Variants in NDUFS1 observed in about 807,000 individuals in gnomAD.
The protein encoded by NDUFS1 is NADH-ubiquinone oxidoreductase 75 kDa subunit, mitochondrial.
A neutral mutation model predicts 84.4 loss-of-function variants in NDUFS1; 61 were observed. The observed-to-expected ratio is 0.72, with a 90% CI of 0.59 to 0.89. NDUFS1 has a LOEUF of 0.89. Ranked by LOEUF, NDUFS1 falls within the 40% of genes least tolerant of loss-of-function variation. The pLI, the probability that NDUFS1 is intolerant of heterozygous loss-of-function variation, is 0.00. For missense variants in NDUFS1, 891 were observed against 890.0 expected (o/e 1.00, Z -0.01); for synonymous variants, 275 against 290.0 (o/e 0.95, Z 0.53).
At chr2:206,134,448 ACGTGGCAAAACCT>A (rs973559055) in intron 13 of NDUFS1, among the ~76,000 whole-genome samples, 4 of 152,200 alleles carry the variant, frequency 2.6e-5, no homozygotes, top group Admixed American at 6.5e-5. Context: ...AGCCTGGGCA[ACGTGGCAAAACCT>A]CGTCTCTACA....
At chr2:206,159,249 G>GACT in intron 1 of NDUFS1, 92 bp downstream of exon 1, 1 of 1,017,260 alleles carries the variant, frequency 9.8e-7, no homozygotes, top group South Asian at 1.4e-5. Context: ...GACAACAGAA[G>GACT]ACTACGTCGC....
In NDUFS1 at chr2:206,149,002, T is replaced by C; in HGVS notation, c.338+18A>G. ...TCTGCTTTATGAAAGGGTACTACATTGAATAACAATAAAGTACCTGGCTTT... is the reference window on the plus strand; with the variant it reads ...TCTGCTTTATGAAAGGGTACTACATCGAATAACAATAAAGTACCTGGCTTT... On this transcript the variant is annotated intron_variant, in intron 5 of 18. Coordinates refer to ENST00000233190, the MANE Select transcript of NDUFS1 (RefSeq NM_005006.7). 1 of 1,573,562 alleles carries C rather than the reference T, an allele frequency of 6.4e-7. No homozygotes were observed. The highest frequency in any genetic ancestry group is 8.7e-7 in the Non-Finnish European group (1 of 1,143,588).
intron 12 of NDUFS1, among the ~76,000 whole-genome samples, chr2:206,141,588 T>C (rs1390911281): frequency 9.4e-6 from 1 of 106,212 alleles, no homozygotes; most frequent in Non-Finnish European, 1.8e-5. Context: ...TCTAAAAAAT[T>C]AAAAAAATTA....
rs111364412 is a variant in NDUFS1 at position 206,116,562 on chromosome 2, G to A, written c.*7623C>T. ...AGCCACTCGCGCGGGGAGGCGGGGC[G>A]GTGTGGGCAGAAGTAAATTTCTTTA... On this transcript the variant is annotated 3_prime_UTR_variant, in exon 19 of 19. Coordinates refer to ENST00000233190, the MANE Select transcript of NDUFS1 (RefSeq NM_005006.7). 0.084 allele frequency: 54,115 copies of A among 641,432 alleles called. 3,030 individuals are homozygous for A. The highest frequency in any genetic ancestry group is 0.19 in the Admixed American group (7,177 of 37,844). The allele number at this position is 641,432 out of a possible 1,614,324, so 39.7% of individuals were successfully genotyped here. A position where few individuals can be genotyped will look rare whatever the true frequency, so the allele number is the denominator to read the frequency against.
rs1156784556 is a variant in NDUFS1, at chr2:206,142,043, A to G, written c.1160T>C (p.Leu387Pro). 1 of 1,605,606 alleles carries G rather than the reference A, an allele frequency of 6.2e-7. No homozygotes were observed. The highest frequency in any genetic ancestry group is 8.5e-7 in the Non-Finnish European group (1 of 1,172,348). The change falls in exon 12 of 19, where the codon CTT (leucine) becomes CCT (proline). Residue 387 changes from leucine (L) to proline (P), a missense_variant. Transcript: ENST00000233190. Reference sequence around the variant, plus strand: ...TTCCACACCAGCAATTGTAGTATTAAGAAGATAATTGGAACGCAAATCTGT... The same window carrying G: ...TTCCACACCAGCAATTGTAGTATTAGGAAGATAATTGGAACGCAAATCTGT... ...AGTDLRSNYL[L>P]NTTIAGVEEA...
At chr2:206,154,507 G>C (rs1402437287) in intron 1 of NDUFS1, among the ~76,000 whole-genome samples, 1 of 152,242 alleles carries the variant, frequency 6.6e-6, no homozygotes. Context: ...TGCTGAAGTT[G>C]AGACACTGCT....
intron 8 of NDUFS1, 48 bp downstream of exon 8, chr2:206,146,855 G>C (rs1481790243): frequency 6.5e-7 from 1 of 1,533,476 alleles, no homozygotes; most frequent in South Asian, 1.1e-5. Flanking sequence ...TTTTTGAATA[G>C]TAATGAATTA....
chr2:206,150,960 A>G (rs1401327195), intron 3 of NDUFS1, among the ~76,000 whole-genome samples: 5 of 151,746 alleles, frequency 3.3e-5, no homozygotes, highest in African/African-American at 1.2e-4. Context: ...ACGACGGGGG[A>G]AAAAATCCCT....
At chr2:206,134,556 T>C (rs1447199296) in intron 13 of NDUFS1, among the ~76,000 whole-genome samples, 1 of 150,896 alleles carries the variant, frequency 6.6e-6, no homozygotes, top group Non-Finnish European at 1.5e-5. Context: ...CACTCCAGCA[T>C]GGGTGACAGA....
rs968972194 is a variant in NDUFS1, at chr2:206,158,979, T to G, written c.-5+362A>C. The G allele has an allele frequency of 2.2e-5, 24 of 1,109,708 alleles. No homozygotes were observed. The African/African-American group carries it at 3.3e-4, about 15-fold the overall frequency. 68.7% of individuals were successfully genotyped at this position (1,109,708 alleles called of 1,614,324 possible). ...TAAAAATCTGGGGGGAAAGGCTTAG[T>G]CTTAAGGCCTAAGTCATCGGACACT... On this transcript the variant is annotated intron_variant, in intron 1 of 18. Transcript: ENST00000233190.
Position 206,124,177 on chromosome 2 carries a change from T to C in NDUFS1, c.*8A>G. 6.3e-7 allele frequency: 1 copy of C among 1,586,270 alleles called. No individual in the cohort carries two copies. The highest frequency in any genetic ancestry group is 8.7e-7 in the Non-Finnish European group (1 of 1,154,642). On this transcript the variant is annotated 3_prime_UTR_variant, in exon 19 of 19. Transcript: ENST00000233190. ...ATCTGCGGCAAAACTGGGATCCTAG[T>C]AGAAGCTTCAGCATATGGATGGTTC...
At chr2:206,153,897 A>G (rs1692472255) in intron 1 of NDUFS1, among the ~76,000 whole-genome samples, 1 of 152,250 alleles carries the variant, frequency 6.6e-6, no homozygotes, top group East Asian at 1.9e-4. Flanking sequence ...GCTATTGTAT[A>G]CATTTGGACT....
chr2:206,135,267 T>C (rs780593055), intron 13 of NDUFS1, among the ~76,000 whole-genome samples: 4 of 152,136 alleles, frequency 2.6e-5, no homozygotes, highest in African/African-American at 4.8e-5. Flanking sequence ...CTCAGGTGAT[T>C]TGCCTGCATT....
chr2:206,137,530 T>A (rs1691767310), intron 13 of NDUFS1, among the ~76,000 whole-genome samples: 1 of 149,702 alleles, frequency 6.7e-6, no homozygotes, highest in Non-Finnish European at 1.5e-5. Context: ...GGCGGAGGAA[T>A]AAAGTTTACA....
chr2:206,123,344 A>C lies in NDUFS1; in HGVS notation c.*841T>G, dbSNP rs1461432134. The C allele has an allele frequency of 6.6e-6, 1 of 151,752 alleles. No individual in the cohort carries two copies. Among genetic ancestry groups the C allele is most frequent in the Non-Finnish European group, 1.5e-5 (1 of 67,946 alleles). 9.4% of individuals were successfully genotyped at this position (151,752 alleles called of 1,614,324 possible). On this transcript the variant is annotated 3_prime_UTR_variant, in exon 19 of 19. Coordinates refer to ENST00000233190, the MANE Select transcript of NDUFS1 (RefSeq NM_005006.7). ...TGCATACATGTATAACTTATAAAAAAAAAAAAGCCACATAAATCACCATGA... is the reference window on the plus strand; with the variant it reads ...TGCATACATGTATAACTTATAAAAACAAAAAAGCCACATAAATCACCATGA...
At chr2:206,141,464 G>A (rs1009449631) in intron 12 of NDUFS1, among the ~76,000 whole-genome samples, 2 of 151,610 alleles carry the variant, frequency 1.3e-5, no homozygotes, top group African/African-American at 2.4e-5. Flanking sequence ...CCCGGGAGGC[G>A]GAGCTTGAAG....
In NDUFS1 at chr2:206,127,900, G is replaced by A; in HGVS notation, c.1781C>T (p.Ala594Val). Residue 594 changes from alanine (A) to valine (V), a missense_variant, in exon 16 of 19, where the codon GCT becomes GTT. By Grantham distance (64) the Ala-to-Val change is moderately conservative. Transcript: ENST00000233190. ...TCTACCCTCAGTGTTGACATATGTA[G>A]CAGACTTCTCTGTGTAAGCAGCTCC... The part of the protein sequence containing the change: ...LPGAAYTEKS[A>V]TYVNTEGRAQ... 1 of 1,614,122 alleles carries A rather than the reference G, an allele frequency of 6.2e-7. No homozygotes were observed.
chr2:206,120,015 G>A lies in NDUFS1; in HGVS notation c.*4170C>T, dbSNP rs373103811. The A allele has an allele frequency of 1.3e-5, 2 of 152,212 alleles. No individual in the cohort carries two copies. Among genetic ancestry groups the A allele is most frequent in the African/African-American group, 4.8e-5 (2 of 41,534 alleles). 9.4% of individuals were successfully genotyped at this position (152,212 alleles called of 1,614,324 possible). A position where few individuals can be genotyped will look rare whatever the true frequency, so the allele number is the denominator to read the frequency against. ...TGATGAGTGAGATCTTAGTTCATGTGAAATTTGGTTGTTTAGAGTCTGGGA... is the reference window on the plus strand; with the variant it reads ...TGATGAGTGAGATCTTAGTTCATGTAAAATTTGGTTGTTTAGAGTCTGGGA... On this transcript the variant is annotated 3_prime_UTR_variant, in exon 19 of 19. Transcript: ENST00000233190.
At position 206,159,347 on chromosome 2, in the gene NDUFS1, C is replaced by T. The variant is rs1473029862; in HGVS notation, c.-11G>A. On this transcript the variant is annotated 5_prime_UTR_variant, in exon 1 of 19. Coordinates refer to ENST00000233190, the MANE Select transcript of NDUFS1 (RefSeq NM_005006.7). ...CATCCATACAAGACCTCACCTTCTC[C>T]CCGGAGCCGCGGAGGCTGTTCTGCT... 4 of 601,008 alleles carry T rather than the reference C, an allele frequency of 6.7e-6. No individual in the cohort carries two copies. 37.2% of individuals were successfully genotyped at this position (601,008 alleles called of 1,614,324 possible).
Sources: gnomAD v4.1 joint callset for allele counts (sites outside exome capture counted in the v4.1 genomes callset) on GRCh38, gnomAD v4.1.1 for gene constraint, MANE v1.5 for transcripts, NCBI Gene and HGNC (gene_info 2026-07-23, HGNC 2026-07-21) for gene names.